The following BNIP3L variants were observed in gnomAD, a reference collection of about 807,000 sequenced individuals.
BNIP3L encodes BCL2/adenovirus E1B 19 kDa protein-interacting protein 3-like.
In BNIP3L, 10 loss-of-function variants were observed where a neutral mutation model predicts 25.5. The ratio of observed to expected loss-of-function variants is 0.39; its 90% CI spans 0.24 to 0.67. The LOEUF (loss-of-function observed/expected upper bound fraction) is 0.67. Among genes scored for constraint, BNIP3L ranks in the 30% least tolerant of loss-of-function variants. The pLI, the probability that BNIP3L is intolerant of heterozygous loss-of-function variation, is 0.45. For synonymous variants in BNIP3L, 113 were observed against 101.2 expected, an observed-to-expected ratio of 1.12 and a Z score of -0.70; for missense variants, 215 against 270.9, an observed-to-expected ratio of 0.79 and a Z score of 1.45.
intron 3 of BNIP3L, among the ~76,000 whole-genome samples, chr8:26,406,158 G>A (rs144498685): frequency 1.1e-4 from 16 of 152,292 alleles, no homozygotes; most frequent in African/African-American, 3.8e-4. Flanking sequence ...TTCTTGGCCT[G>A]AAACTTTAGG....
At chr8:26,397,589 A>G (rs1372292212) in intron 3 of BNIP3L, among the ~76,000 whole-genome samples, 1 of 80,968 alleles carries the variant, frequency 1.2e-5, no homozygotes, top group Admixed American at 1.2e-4. Flanking sequence ...ACCAGCTAAC[A>G]TCATAATGAC....
At chr8:26,387,128 T>G (rs1015131705) in intron 1 of BNIP3L, among the ~76,000 whole-genome samples, 2 of 152,218 alleles carry the variant, frequency 1.3e-5, no homozygotes, top group South Asian at 4.1e-4. Flanking sequence ...TCTCTTCTTC[T>G]TCTTGCAAGA....
In BNIP3L at chr8:26,398,965, C is replaced by A. The variant is rs867622205; in HGVS notation, c.357+3663C>A. Among the ~76,000 whole-genome samples the A allele has an allele frequency of 2.7e-3, 416 of 151,384 alleles. 4 individuals carry two copies. The highest frequency in any genetic ancestry group is 0.013 in the South Asian group (60 of 4,794). On this transcript the variant is annotated intron_variant, in intron 3 of 5. Transcript: ENST00000380629. Reference sequence around the variant, plus strand: ...AGAAGAGTCCAGGACCAGATGGATTCACAGCCGAATTCTACCAGAGGTACA... The same window carrying A: ...AGAAGAGTCCAGGACCAGATGGATTAACAGCCGAATTCTACCAGAGGTACA...
chr8:26,391,463 C>T, intron 2 of BNIP3L, 37 bp downstream of exon 2: 3 of 1,481,728 alleles, frequency 2.0e-6, no homozygotes, highest in Non-Finnish European at 2.7e-6. Flanking sequence ...ATTCAGGAAA[C>T]AGGTGGGTTA....
intron 1 of BNIP3L, among the ~76,000 whole-genome samples, chr8:26,385,926 CAAG>C (rs1341246339): frequency 6.6e-6 from 1 of 152,158 alleles, no homozygotes; most frequent in Admixed American, 6.5e-5. Flanking sequence ...CTGAACAAAA[CAAG>C]AAGCCTCATT....
At chr8:26,407,342 C>A (rs1371814017) in intron 3 of BNIP3L, among the ~76,000 whole-genome samples, 1 of 151,700 alleles carries the variant, frequency 6.6e-6, no homozygotes, top group Non-Finnish European at 1.5e-5. Flanking sequence ...CCCGCCATCA[C>A]GCCCAGCTAA....
Position 26,383,067 on chromosome 8 carries a change from T to C in BNIP3L, c.-64T>C. The C allele has an allele frequency of 6.9e-7, 1 of 1,450,524 alleles. No individual in the cohort carries two copies. The highest frequency in any genetic ancestry group is 1.2e-5 in the South Asian group (1 of 81,732). 89.9% of individuals were successfully genotyped at this position (1,450,524 alleles called of 1,614,324 possible). A position where few individuals can be genotyped will look rare whatever the true frequency, so the allele number is the denominator to read the frequency against. On this transcript the variant is annotated 5_prime_UTR_variant, in exon 1 of 6. Transcript: ENST00000380629. ...AAAGGGGGCGGCGGACTCGGCTTGT[T>C]GTGTTGCTGCCTGAGTGCCGGAGAC...
Position 26,410,569 on chromosome 8 carries a change from A to G in BNIP3L, c.*157A>G. The stretch of plus-strand genomic sequence containing the variant: ...AACTCTCAAATTCAATATTTTATTC[A>G]AACTCTGTTGAGGCATTTTACTAAC... On this transcript the variant is annotated 3_prime_UTR_variant, in exon 6 of 6. Coordinates refer to ENST00000380629, the MANE Select transcript of BNIP3L (RefSeq NM_004331.3). The G allele has an allele frequency of 3.4e-6, 3 of 872,372 alleles. No individual in the cohort carries two copies. The South Asian group carries it at 4.6e-5, about 13-fold the overall frequency. 54.0% of individuals were successfully genotyped at this position (872,372 alleles called of 1,614,324 possible).
rs3837185 is a variant in BNIP3L, at chr8:26,388,807, C to CTAAATAAATAAATAAATAAATAAA, written c.101-2424_101-2401dup. Among the ~76,000 whole-genome samples the CTAAATAAATAAATAAATAAATAAA allele has an allele frequency of 1.0e-3, 149 of 143,952 alleles. 1 individual carries two copies. The highest frequency in any genetic ancestry group is 3.9e-3 in the African/African-American group (145 of 37,326). 94.4% of individuals were successfully genotyped at this position (143,952 alleles called of 152,430 possible). On this transcript the variant is annotated intron_variant, in intron 1 of 5. Transcript: ENST00000380629. ...GCAATGTAGGGAGACCCTGTCTCTA[C>CTAAATAAATAAATAAATAAATAAA]TAAATAAATAAATAAATAAATAAAT... is the stretch of plus-strand genomic sequence containing the variant.
chr8:26,410,585 T>TAAAAAGG lies in BNIP3L; in HGVS notation c.*173_*174insAAAAAGG. The TAAAAAGG allele has an allele frequency of 4.0e-6, 3 of 751,066 alleles. No individual in the cohort carries two copies. The highest frequency in any genetic ancestry group is 6.7e-6 in the Non-Finnish European group (3 of 447,900). The allele number at this position is 751,066 out of a possible 1,614,324, so 46.5% of individuals were successfully genotyped here. On this transcript the variant is annotated 3_prime_UTR_variant, in exon 6 of 6. Coordinates refer to ENST00000380629, the MANE Select transcript of BNIP3L (RefSeq NM_004331.3). ...ATTTTATTCAAACTCTGTTGAGGCA[T>TAAAAAGG]TTTACTAACCTTATACCCTTTTTGG... is the stretch of plus-strand genomic sequence containing the variant.
rs763603270 is a variant in BNIP3L, at chr8:26,408,067, C to T, written c.425C>T (p.Ser142Leu). 1 of 1,614,176 alleles carries T rather than the reference C, an allele frequency of 6.2e-7. No homozygotes were observed. Among genetic ancestry groups the T allele is most frequent in the Non-Finnish European group, 8.5e-7 (1 of 1,180,042 alleles). ...EALKKSADWV[S>L]DWSSRPENIP... ...TTGAAGAAAAGTGCGGACTGGGTAT[C>T]AGACTGGTCCAGTAGACCCGAAAAC... The change falls in exon 4 of 6, where the codon TCA (serine) becomes TTA (leucine). Residue 142 changes from serine to leucine, a missense_variant. This residue lies in a region of BNIP3L where 63 missense variants were observed against 98.8 expected (regional missense o/e 0.64). Coordinates refer to ENST00000380629, the MANE Select transcript of BNIP3L (RefSeq NM_004331.3).
At chr8:26,400,605 A>C (rs1440270427) in intron 3 of BNIP3L, among the ~76,000 whole-genome samples, 1 of 141,350 alleles carries the variant, frequency 7.1e-6, no homozygotes, top group Admixed American at 7.2e-5. Flanking sequence ...CAGCAAAAGA[A>C]ACTACCATCA....
chr8:26,408,489 G>A, intron 5 of BNIP3L, 113 bp downstream of exon 5: 1 of 1,273,318 alleles, frequency 7.9e-7, no homozygotes, highest in East Asian at 2.3e-5. Context: ...ATGTTTTAGT[G>A]CAAATAAGGT....
chr8:26,404,267 A>G (rs999083792), intron 3 of BNIP3L, among the ~76,000 whole-genome samples: 5 of 152,336 alleles, frequency 3.3e-5, no homozygotes, highest in African/African-American at 4.8e-5. Flanking sequence ...ACATTTTTGC[A>G]TTGTGTTTCT....
Position 26,406,405 on chromosome 8 carries a change from G to A in BNIP3L, c.358-1595G>A, listed in dbSNP as rs1281255605. Among the ~76,000 whole-genome samples, 3 of 152,164 alleles carry A rather than the reference G, an allele frequency of 2.0e-5. No homozygotes were observed. The East Asian group carries it at 5.8e-4, about 29-fold the overall frequency. Reference sequence around the variant, plus strand: ...ACAGTATTCCTGGGTTTGAATACTGGCCCTGCTATGTACTGGTTGTGGAAC... The same window carrying A: ...ACAGTATTCCTGGGTTTGAATACTGACCCTGCTATGTACTGGTTGTGGAAC... On this transcript the variant is annotated intron_variant, in intron 3 of 5. Transcript: ENST00000380629.
At chr8:26,385,613 A>AG (rs1491310036) in intron 1 of BNIP3L, among the ~76,000 whole-genome samples, 7 of 42,282 alleles carry the variant, frequency 1.7e-4, no homozygotes, top group East Asian at 1.2e-3. Flanking sequence ...AAAAAAAAAA[A>AG]GGGGCGAGGG....
intron 5 of BNIP3L, 80 bp downstream of exon 5, chr8:26,408,456 C>T: frequency 1.4e-6 from 2 of 1,463,530 alleles, no homozygotes; most frequent in Non-Finnish European, 1.9e-6. Flanking sequence ...TATGTGAAAG[C>T]AGTTTTTATT....
Position 26,408,265 on chromosome 8 carries a change from T to C in BNIP3L, c.500T>C (p.Leu167Ser). The C allele has an allele frequency of 1.9e-6, 3 of 1,614,206 alleles. No homozygotes were observed. Among genetic ancestry groups the C allele is most frequent in the Non-Finnish European group, 2.5e-6 (3 of 1,180,044 alleles). ...HFRHPKRSVS[L>S]SMRKSGAMKK... ...AGACACCCTAAACGTTCTGTGTCTT[T>C]AAGCATGAGGAAAAGTGGAGCCATG... The change falls in exon 5 of 6, where the codon TTA becomes TCA. Residue 167 changes from leucine (L) to serine (S), a missense_variant. Leu to Ser is a moderately radical substitution (Grantham distance 145, BLOSUM62 -2). Transcript: ENST00000380629.
intron 3 of BNIP3L, 136 bp from the exon 4 acceptor site, chr8:26,407,863 GA>G: frequency 1.4e-6 from 1 of 734,234 alleles, no homozygotes; most frequent in Non-Finnish European, 2.2e-6. Flanking sequence ...GCATTTTTTA[GA>G]AAAGCAACAT....
Sources: allele counts gnomAD v4.1 joint callset (sites outside exome capture counted in the v4.1 genomes callset), GRCh38; gene constraint gnomAD v4.1.1; regional missense constraint gnomAD v4.1.1; transcripts MANE v1.5; gene names NCBI Gene and HGNC (gene_info 2026-07-23, HGNC 2026-07-21).